The following IPPK variants were observed in gnomAD, a reference collection of about 807,000 sequenced individuals.
The protein encoded by IPPK is inositol-pentakisphosphate 2-kinase, also known as IPK1 homolog.
A neutral mutation model predicts 64.6 loss-of-function variants in IPPK; 22 were observed. That is an observed-to-expected ratio of 0.34 (90% CI 0.24 to 0.49). The LOEUF (loss-of-function observed/expected upper bound fraction) is 0.49, where lower values mean the gene tolerates loss of function less well. Among genes scored for constraint, IPPK ranks in the 20% least tolerant of loss-of-function variants. The pLI is 0.99. For missense variants in IPPK, 532 were observed against 630.7 expected (o/e 0.84, Z 1.68); for synonymous variants, 262 against 247.2 (o/e 1.06, Z -0.56).
At chr9:92,668,696 GAGA>G (rs1852656851) in intron 1 of IPPK, among the ~76,000 whole-genome samples, 1 of 152,340 alleles carries the variant, frequency 6.6e-6, no homozygotes, top group South Asian at 2.1e-4. Context: ...GACTACACAA[GAGA>G]AGGACAGCTT....
chr9:92,659,832 C>G (rs991311701), intron 1 of IPPK, among the ~76,000 whole-genome samples: 1 of 152,124 alleles, frequency 6.6e-6, no homozygotes, highest in Non-Finnish European at 1.5e-5. Context: ...TCCCAGGCAC[C>G]CGGCCCCCTG....
At chr9:92,662,724 AAAC>A (rs1196925018) in intron 1 of IPPK, among the ~76,000 whole-genome samples, 1 of 152,244 alleles carries the variant, frequency 6.6e-6, no homozygotes, top group African/African-American at 2.4e-5. Context: ...CAAAAACACC[AAAC>A]AACAGGAAGA....
intron 7 of IPPK, among the ~76,000 whole-genome samples, chr9:92,641,437 T>G (rs1365791612): frequency 1.3e-5 from 2 of 152,212 alleles, no homozygotes; most frequent in African/African-American, 2.4e-5. Flanking sequence ...AAGCCTGCAT[T>G]CTACAACATT....
intron 11 of IPPK, among the ~76,000 whole-genome samples, chr9:92,628,104 TAAAA>T (rs1851767680): frequency 6.6e-6 from 1 of 152,178 alleles, no homozygotes; most frequent in African/African-American, 2.4e-5. Flanking sequence ...ACAACAGCAT[TAAAA>T]AGAAAATATT....
At chr9:92,629,504 C>T (rs947419116) in intron 11 of IPPK, among the ~76,000 whole-genome samples, 1 of 152,008 alleles carries the variant, frequency 6.6e-6, no homozygotes, top group African/African-American at 2.4e-5. Context: ...GTAATCCCAG[C>T]ATTTTGGGAG....
intron 1 of IPPK, among the ~76,000 whole-genome samples, 177 bp downstream of exon 1, chr9:92,669,731 A>T (rs1852685594): frequency 6.7e-6 from 1 of 149,876 alleles, no homozygotes; most frequent in Non-Finnish European, 1.5e-5. Flanking sequence ...GGTGATGAGG[A>T]ACCCAAGCGG....
chr9:92,648,230 T>A lies in IPPK; in HGVS notation c.415-82A>T, dbSNP rs1237694213. 6 of 1,033,884 alleles carry A rather than the reference T, an allele frequency of 5.8e-6. No individual in the cohort carries two copies. The East Asian group carries it at 7.8e-5, about 13-fold the overall frequency. The allele number at this position is 1,033,884 out of a possible 1,614,324, so 64.0% of individuals were successfully genotyped here. On this transcript the variant is annotated intron_variant, in intron 5 of 12. Transcript: ENST00000287996. The stretch of plus-strand genomic sequence containing the variant: ...AATAGACATATCACTGACTACAAGA[T>A]AATGAGTGCAGCAAGATAATTAGGC...
intron 1 of IPPK, among the ~76,000 whole-genome samples, chr9:92,662,622 C>T (rs1852509405): frequency 6.6e-6 from 1 of 152,084 alleles, no homozygotes; most frequent in African/African-American, 2.4e-5. Flanking sequence ...AAAAGCAACG[C>T]TAAACCAAGG....
intron 3 of IPPK, among the ~76,000 whole-genome samples, chr9:92,655,238 C>T (rs970844873): frequency 3.3e-5 from 5 of 152,194 alleles, no homozygotes; most frequent in Non-Finnish European, 7.3e-5. Flanking sequence ...TCTTCCCTCA[C>T]GTGGCCCTGT....
chr9:92,666,976 T>C (rs1852612149), intron 1 of IPPK, among the ~76,000 whole-genome samples: 1 of 152,220 alleles, frequency 6.6e-6, no homozygotes, highest in South Asian at 2.1e-4. Context: ...CTCCTTCTAG[T>C]GCTGACAGCC....
At chr9:92,660,661 C>T (rs182153622) in intron 1 of IPPK, among the ~76,000 whole-genome samples, 65 of 152,322 alleles carry the variant, frequency 4.3e-4, no homozygotes, top group Non-Finnish European at 7.6e-4. Flanking sequence ...AACAGAAATA[C>T]CAACTACAAG....
At chr9:92,652,476 GA>G in intron 4 of IPPK, 96 bp downstream of exon 4, 3 of 447,308 alleles carry the variant, frequency 6.7e-6, no homozygotes, top group East Asian at 7.7e-5. Flanking sequence ...AAGGATTACT[GA>G]AAAATGCATA....
chr9:92,645,259 G>C (rs1003451619), intron 6 of IPPK, among the ~76,000 whole-genome samples: 8 of 151,970 alleles, frequency 5.3e-5, no homozygotes, highest in African/African-American at 1.9e-4. Context: ...GCATGGTGGG[G>C]TGCGCCTGTA....
At chr9:92,650,009 G>A (rs1852230375) in intron 4 of IPPK, among the ~76,000 whole-genome samples, 1 of 132,274 alleles carries the variant, frequency 7.6e-6, no homozygotes, top group South Asian at 2.5e-4. Flanking sequence ...CTGGGCAACA[G>A]AGCAAGACTC....
intron 7 of IPPK, 107 bp from the exon 8 acceptor site, chr9:92,640,889 C>CCA: frequency 1.3e-6 from 1 of 795,608 alleles, no homozygotes; most frequent in South Asian, 1.4e-5. Flanking sequence ...TCCCAGGGGC[C>CCA]GCTGGGAAAC....
intron 12 of IPPK, chr9:92,618,521 C>T (rs766877347): frequency 1.3e-5 from 6 of 456,590 alleles, no homozygotes; most frequent in African/African-American, 2.0e-5. Context: ...CCAGCTGCAT[C>T]CTTGGTCGGG....
chr9:92,632,865 G>C (rs921587876), intron 11 of IPPK, among the ~76,000 whole-genome samples: 1 of 152,194 alleles, frequency 6.6e-6, no homozygotes, highest in Non-Finnish European at 1.5e-5. Context: ...ACGGGACAGG[G>C]CAAGTGGGTC....
chr9:92,662,384 G>C (rs1057280070), intron 1 of IPPK, among the ~76,000 whole-genome samples: 1 of 152,120 alleles, frequency 6.6e-6, no homozygotes, highest in Non-Finnish European at 1.5e-5. Flanking sequence ...AAATTAGCCC[G>C]GCGTGGTGGC....
intron 1 of IPPK, among the ~76,000 whole-genome samples, chr9:92,668,985 A>C (rs1038484966): frequency 6.6e-6 from 1 of 152,224 alleles, no homozygotes; most frequent in South Asian, 2.1e-4. Flanking sequence ...TATCTGTCCA[A>C]GGGATGACAA....
Sources: gnomAD v4.1 joint callset for allele counts (sites outside exome capture counted in the v4.1 genomes callset) on GRCh38, gnomAD v4.1.1 for gene constraint, MANE v1.5 for transcripts, NCBI Gene and HGNC (gene_info 2026-07-23, HGNC 2026-07-21) for gene names.